Variants in IFI27L1 observed in about 807,000 individuals in gnomAD.
The protein encoded by IFI27L1 is interferon alpha-inducible protein 27-like protein 1.
IFI27L1 carries 3 observed loss-of-function variants against 9.2 expected under a neutral mutation model. The observed-to-expected ratio is 0.32, with a 90% CI of 0.15 to 0.84. IFI27L1 has a LOEUF of 0.84. Ranked by LOEUF, IFI27L1 falls within the 40% of genes least tolerant of loss-of-function variation. The pLI, the probability that IFI27L1 is intolerant of heterozygous loss-of-function variation, is 0.56. For synonymous variants in IFI27L1, 53 were observed against 50.0 expected (o/e 1.06, Z -0.26); for missense variants, 133 against 134.2 (o/e 0.99, Z 0.05).
rs3064010 is a variant in IFI27L1 at position 94,088,499 on chromosome 14, C to CTTT, written c.-52+7065_-52+7067dup. ...CCTCCTCCTCCAATCCTGGAACAAT[C>CTTT]TTTTTTTTTTTTTTTTTGGAGACAG... On this transcript the variant is annotated intron_variant, in intron 1 of 4. Coordinates refer to ENST00000555523, the MANE Select transcript of IFI27L1 (RefSeq NM_206949.3). 5.9e-3 allele frequency among the ~76,000 whole-genome samples: 741 copies of CTTT among 124,796 alleles called. 20 individuals are homozygous for CTTT. The highest frequency in any genetic ancestry group is 0.012 in the Middle Eastern group (3 of 248). The allele number at this position is 124,796 out of a possible 152,430, so 81.9% of individuals were successfully genotyped here. A position where few individuals can be genotyped will look rare whatever the true frequency, so the allele number is the denominator to read the frequency against.
intron 1 of IFI27L1, among the ~76,000 whole-genome samples, chr14:94,092,809 G>A (rs1406907991): frequency 6.6e-6 from 1 of 152,130 alleles, no homozygotes; most frequent in Admixed American, 6.6e-5. Flanking sequence ...TTGAATCACC[G>A]GGATGATTTC....
chr14:94,092,183 C>G (rs1886503885), intron 1 of IFI27L1, among the ~76,000 whole-genome samples: 1 of 151,466 alleles, frequency 6.6e-6, no homozygotes, highest in African/African-American at 2.4e-5. Context: ...AGATTTCACC[C>G]TTTGCGTTAG....
At chr14:94,082,222 G>A (rs1183560783) in intron 1 of IFI27L1, among the ~76,000 whole-genome samples, 1 of 152,154 alleles carries the variant, frequency 6.6e-6, no homozygotes, top group Non-Finnish European at 1.5e-5. Flanking sequence ...ACCCAAAACC[G>A]AATCCAAAGC....
chr14:94,097,083 A>T, intron 2 of IFI27L1, 118 bp downstream of exon 2: 1 of 697,328 alleles, frequency 1.4e-6, no homozygotes, highest in South Asian at 2.2e-5. Context: ...GAGGCTATCC[A>T]TGGAAAAGAA....
chr14:94,098,753 G>T (rs765060954), intron 2 of IFI27L1, among the ~76,000 whole-genome samples: 3 of 152,202 alleles, frequency 2.0e-5, no homozygotes, highest in Non-Finnish European at 4.4e-5. Flanking sequence ...GTATGGGTTT[G>T]AGAGTGCATG....
chr14:94,093,840 T>C lies in IFI27L1; in HGVS notation c.-51-3047T>C, dbSNP rs538548040. 1.3e-4 allele frequency among the ~76,000 whole-genome samples: 20 copies of C among 152,234 alleles called. No individual in the cohort carries two copies. In the East Asian group the frequency reaches 3.7e-3, roughly 28 times the overall value. On this transcript the variant is annotated intron_variant, in intron 1 of 4. Transcript: ENST00000555523. The stretch of plus-strand genomic sequence containing the variant: ...GATGTGTCTATCTTTTTCTCTTGAG[T>C]CAGTGCTCAGGAGCTTGGTAAATAT...
intron 1 of IFI27L1, among the ~76,000 whole-genome samples, chr14:94,086,556 G>A (rs948834899): frequency 1.2e-4 from 18 of 152,054 alleles, no homozygotes; most frequent in African/African-American, 3.6e-4. Context: ...TACATAATTG[G>A]TGGGGCAGAG....
intron 1 of IFI27L1, among the ~76,000 whole-genome samples, chr14:94,096,247 T>C (rs557686699): frequency 6.6e-6 from 1 of 152,298 alleles, no homozygotes; most frequent in Non-Finnish European, 1.5e-5. Flanking sequence ...TTTAGGCAGA[T>C]GGATGGGTAA....
intron 1 of IFI27L1, among the ~76,000 whole-genome samples, chr14:94,090,008 T>C (rs1886417899): frequency 6.6e-6 from 1 of 152,178 alleles, no homozygotes; most frequent in Non-Finnish European, 1.5e-5. Context: ...TACATTTCTA[T>C]ACAAAGAGTA....
chr14:94,083,693 G>C (rs574427413), intron 1 of IFI27L1, among the ~76,000 whole-genome samples: 1 of 152,224 alleles, frequency 6.6e-6, no homozygotes, highest in African/African-American at 2.4e-5. Flanking sequence ...GTAAGGGTAC[G>C]TGAGTGTTCA....
In IFI27L1 at chr14:94,101,725, C is replaced by G. The variant is rs968139785; in HGVS notation, c.62-89C>G. The G allele has an allele frequency of 2.6e-5, 36 of 1,370,528 alleles. No individual in the cohort carries two copies. The African/African-American group carries it at 3.4e-4, about 13-fold the overall frequency. The allele number at this position is 1,370,528 out of a possible 1,614,324, so 84.9% of individuals were successfully genotyped here. ...CAGTCTTTCCTGAGAGCACAGCAGA[C>G]CCCTCCTCCTCATCGCCCCAGGAGG... On this transcript the variant is annotated intron_variant, in intron 3 of 4. Coordinates refer to ENST00000555523, the MANE Select transcript of IFI27L1 (RefSeq NM_206949.3).
chr14:94,087,706 A>G (rs947037970), intron 1 of IFI27L1, among the ~76,000 whole-genome samples: 4 of 150,520 alleles, frequency 2.7e-5, no homozygotes, highest in Non-Finnish European at 5.9e-5. Context: ...GATTACAGGC[A>G]TGAGCCACCG....
Position 94,102,104 on chromosome 14 carries a change from G to A in IFI27L1, c.223+129G>A. 3 of 970,048 alleles carry A rather than the reference G, an allele frequency of 3.1e-6. No homozygotes were observed. The South Asian group carries it at 4.5e-5, about 14-fold the overall frequency. 60.1% of individuals were successfully genotyped at this position (970,048 alleles called of 1,614,324 possible). On this transcript the variant is annotated intron_variant, in intron 4 of 4. Transcript: ENST00000555523. ...TTGGGCCCTTTGTCTTTCTGTCACTGTCCCCTCTTCTGGTTGGAGGTGGGA... is the reference window on the plus strand; with the variant it reads ...TTGGGCCCTTTGTCTTTCTGTCACTATCCCCTCTTCTGGTTGGAGGTGGGA...
At chr14:94,094,338 G>A (rs1021588779) in intron 1 of IFI27L1, among the ~76,000 whole-genome samples, 22 of 152,048 alleles carry the variant, frequency 1.4e-4, no homozygotes, top group Admixed American at 3.9e-4. Flanking sequence ...CTCTAAAGGC[G>A]GAAACTTGAG....
intron 1 of IFI27L1, among the ~76,000 whole-genome samples, chr14:94,085,182 A>T (rs368244121): frequency 1.1e-4 from 16 of 152,330 alleles, no homozygotes; most frequent in African/African-American, 3.6e-4. Flanking sequence ...GCATATGGAG[A>T]AGTTGGAACA....
chr14:94,091,775 T>A (rs1886483510), intron 1 of IFI27L1, among the ~76,000 whole-genome samples: 1 of 152,206 alleles, frequency 6.6e-6, no homozygotes, highest in South Asian at 2.1e-4. Flanking sequence ...TCCTTTCCCT[T>A]CTTTTGTCTA....
At chr14:94,090,695 T>G (rs1188005060) in intron 1 of IFI27L1, among the ~76,000 whole-genome samples, 1 of 152,212 alleles carries the variant, frequency 6.6e-6, no homozygotes, top group Non-Finnish European at 1.5e-5. Context: ...AGGCTAGTTT[T>G]CCCAAGGGGC....
chr14:94,095,403 G>T (rs1196865578), intron 1 of IFI27L1, among the ~76,000 whole-genome samples: 1 of 151,984 alleles, frequency 6.6e-6, no homozygotes, highest in Non-Finnish European at 1.5e-5. Context: ...CTCCGGTCTG[G>T]GCCTAGCATT....
At chr14:94,102,064 G>A (rs778405904) in intron 4 of IFI27L1, 89 bp downstream of exon 4, 11 of 1,361,714 alleles carry the variant, frequency 8.1e-6, no homozygotes, top group South Asian at 2.4e-5. Flanking sequence ...CTGCAGGTCC[G>A]TGATCCTCTG....
Sources: gnomAD v4.1 joint callset for allele counts (sites outside exome capture counted in the v4.1 genomes callset) on GRCh38, gnomAD v4.1.1 for gene constraint, MANE v1.5 for transcripts, NCBI Gene and HGNC (gene_info 2026-07-23, HGNC 2026-07-21) for gene names.